The following UBTD2 variants were observed in gnomAD, a reference collection of about 807,000 sequenced individuals.
The protein encoded by UBTD2 is ubiquitin domain-containing protein 2.
Under a neutral mutation model 19.8 loss-of-function variants are expected in UBTD2, and 9 were observed. That is an observed-to-expected ratio of 0.46 (90% CI 0.27 to 0.79). UBTD2 has a LOEUF of 0.79. UBTD2 is among the 30% of genes least tolerant of loss of function. UBTD2 has a pLI of 0.14. For synonymous variants in UBTD2, 98 were observed against 103.9 expected, an observed-to-expected ratio of 0.94 and a Z score of 0.35; for missense variants, 250 against 300.4, an observed-to-expected ratio of 0.83 and a Z score of 1.24.
intron 2 of UBTD2, among the ~76,000 whole-genome samples, chr5:172,224,774 A>C (rs764467432): frequency 3.3e-5 from 5 of 152,130 alleles, no homozygotes; most frequent in Non-Finnish European, 7.4e-5. Context: ...TTTGTAAATT[A>C]CCTAGTCTCC....
intron 1 of UBTD2, among the ~76,000 whole-genome samples, chr5:172,244,207 C>G (rs1444172142): frequency 6.6e-6 from 1 of 151,680 alleles, no homozygotes; most frequent in African/African-American, 2.4e-5. Context: ...GAACAAAAAC[C>G]TATTAAGTCA....
intron 1 of UBTD2, chr5:172,255,013 G>C: frequency 1.8e-6 from 1 of 555,560 alleles, no homozygotes; most frequent in Non-Finnish European, 3.6e-6. Context: ...TGACCAGCAA[G>C]ATCCCCAGGC....
chr5:172,274,582 T>TA (rs1271117951), intron 1 of UBTD2, among the ~76,000 whole-genome samples: 1 of 152,186 alleles, frequency 6.6e-6, no homozygotes, highest in African/African-American at 2.4e-5. Flanking sequence ...AAGAAAGTCT[T>TA]ACAGAGAATG....
rs747662429 is a variant in UBTD2, at chr5:172,211,813, G to A, written c.*17C>T. ...AAAGGAGCAGAGGGATGTGGGAGCT[G>A]GCCAACAGGGCTCAGTTCAGTTCTC... On this transcript the variant is annotated 3_prime_UTR_variant, in exon 3 of 3. Coordinates refer to ENST00000393792, the MANE Select transcript of UBTD2 (RefSeq NM_152277.3). 6.3e-6 allele frequency: 10 copies of A among 1,577,612 alleles called. No individual in the cohort carries two copies. Among genetic ancestry groups the A allele is most frequent in the African/African-American group, 1.4e-5 (1 of 73,802 alleles).
At chr5:172,220,540 C>T (rs916011822) in intron 2 of UBTD2, among the ~76,000 whole-genome samples, 4 of 152,132 alleles carry the variant, frequency 2.6e-5, no homozygotes, top group Non-Finnish European at 4.4e-5. Flanking sequence ...GAAGTTGAGG[C>T]AGGAGAATCA....
At chr5:172,267,090 T>C (rs1315326134) in intron 1 of UBTD2, among the ~76,000 whole-genome samples, 1 of 150,918 alleles carries the variant, frequency 6.6e-6, no homozygotes, top group Non-Finnish European at 1.5e-5. Context: ...CCGTATGATT[T>C]TAAAAACTGG....
intron 2 of UBTD2, among the ~76,000 whole-genome samples, chr5:172,229,799 T>C (rs1311161025): frequency 6.6e-6 from 1 of 152,184 alleles, no homozygotes; most frequent in Non-Finnish European, 1.5e-5. Context: ...TACTATTCAC[T>C]ACGCAGAAAC....
intron 1 of UBTD2, among the ~76,000 whole-genome samples, chr5:172,259,509 A>G (rs1755224408): frequency 1.3e-5 from 2 of 152,100 alleles, no homozygotes; most frequent in Non-Finnish European, 2.9e-5. Context: ...ATTCTCATAG[A>G]AGAGAGAAGA....
At chr5:172,255,441 T>C in intron 1 of UBTD2, 1 of 490,328 alleles carries the variant, frequency 2.0e-6, no homozygotes, top group East Asian at 5.2e-5. Flanking sequence ...AGCATTCTTT[T>C]AAACCTTCTA....
At chr5:172,255,017 C>A (rs1327203367) in intron 1 of UBTD2, 1 of 553,296 alleles carries the variant, frequency 1.8e-6, no homozygotes. Context: ...CAGCAAGATC[C>A]CCAGGCTCCA....
chr5:172,241,255 A>C (rs572335423), intron 1 of UBTD2, among the ~76,000 whole-genome samples: 141 of 152,160 alleles, frequency 9.3e-4, no homozygotes, highest in African/African-American at 3.1e-3. Flanking sequence ...CTCTACTAAA[A>C]ATACAAAATT....
chr5:172,226,974 G>A (rs927535592), intron 2 of UBTD2, among the ~76,000 whole-genome samples: 2 of 152,178 alleles, frequency 1.3e-5, no homozygotes, highest in Non-Finnish European at 2.9e-5. Context: ...AAGAGCTTGT[G>A]TAACACTGCA....
intron 1 of UBTD2, among the ~76,000 whole-genome samples, chr5:172,276,425 C>T (rs1219112358): frequency 6.6e-6 from 1 of 152,218 alleles, no homozygotes; most frequent in Non-Finnish European, 1.5e-5. Flanking sequence ...CCAACGATTA[C>T]CCCATGCATG....
Position 172,256,873 on chromosome 5 carries a change from G to A in UBTD2, c.71-22515C>T, listed in dbSNP as rs1045172867. On this transcript the variant is annotated intron_variant, in intron 1 of 2. Transcript: ENST00000393792. ...CAGGTGGTTGCAGTGAGCTGAGATC[G>A]CACCACTGCACTCCAGTCTGGGCGA... is the stretch of plus-strand genomic sequence containing the variant. 2.6e-4 allele frequency among the ~76,000 whole-genome samples: 39 copies of A among 152,052 alleles called. 1 individual carries two copies. Among genetic ancestry groups the A allele is most frequent in the Non-Finnish European group, 5.1e-4 (35 of 68,004 alleles).
At chr5:172,263,849 C>G (rs1392695509) in intron 1 of UBTD2, among the ~76,000 whole-genome samples, 1 of 34,142 alleles carries the variant, frequency 2.9e-5, no homozygotes, top group East Asian at 1.2e-3. Context: ...ATGCACGTGC[C>G]TCTGTGTGTG....
chr5:172,276,184 T>C (rs745875286), intron 1 of UBTD2, among the ~76,000 whole-genome samples: 1 of 152,230 alleles, frequency 6.6e-6, no homozygotes, highest in Non-Finnish European at 1.5e-5. Context: ...AATACTAGAC[T>C]GTAAATTCCT....
At chr5:172,235,586 GAGA>G (rs950812523) in intron 1 of UBTD2, among the ~76,000 whole-genome samples, 8 of 152,150 alleles carry the variant, frequency 5.3e-5, no homozygotes, top group African/African-American at 1.9e-4. Context: ...TTCAACCCAA[GAGA>G]AGAAGAAAAC....
chr5:172,238,031 G>A (rs1028278501), intron 1 of UBTD2, among the ~76,000 whole-genome samples: 4 of 152,154 alleles, frequency 2.6e-5, no homozygotes, highest in Non-Finnish European at 4.4e-5. Flanking sequence ...TTCAGGTGGT[G>A]CCACAAACCT....
At chr5:172,234,548 A>C (rs942616452) in intron 1 of UBTD2, among the ~76,000 whole-genome samples, 190 bp from the exon 2 acceptor site, 2 of 152,224 alleles carry the variant, frequency 1.3e-5, no homozygotes, top group Non-Finnish European at 2.9e-5. Flanking sequence ...GAGACATTAG[A>C]CTGCTCTATG....
Sources: allele counts gnomAD v4.1 joint callset (sites outside exome capture counted in the v4.1 genomes callset), GRCh38; gene constraint gnomAD v4.1.1; transcripts MANE v1.5; gene names NCBI Gene and HGNC (gene_info 2026-07-23, HGNC 2026-07-21).